FHIT: variants seen among roughly 807,000 people sequenced by gnomAD.
The protein encoded by FHIT is bis(5'-adenosyl)-triphosphatase.
Under a neutral mutation model 17.9 loss-of-function variants are expected in FHIT, and 19 were observed. The ratio of observed to expected loss-of-function variants is 1.06; its 90% CI spans 0.74 to 1.56. The LOEUF (loss-of-function observed/expected upper bound fraction) is 1.56, where lower values mean the gene tolerates loss of function less well. Ranked by LOEUF, FHIT falls within the 40% of genes most tolerant of loss-of-function variation. The pLI, the probability that FHIT is intolerant of heterozygous loss-of-function variation, is 0.00. For synonymous variants in FHIT, 81 were observed against 69.7 expected, an observed-to-expected ratio of 1.16 and a Z score of -0.81; for missense variants, 248 against 189.2, an observed-to-expected ratio of 1.31 and a Z score of -1.82.
intron 2 of FHIT, among the ~76,000 whole-genome samples, chr3:61,179,074 G>C (rs6793331): frequency 2.1e-5 from 3 of 145,122 alleles, no homozygotes; most frequent in African/African-American, 7.8e-5. Flanking sequence ...GCAGCAGTGC[G>C]ATCTTGGCTC....
chr3:61,096,802 G>A (rs2035652445), intron 2 of FHIT, among the ~76,000 whole-genome samples: 1 of 152,122 alleles, frequency 6.6e-6, no homozygotes, highest in Non-Finnish European at 1.5e-5. Context: ...AACTGAAGGG[G>A]TTGGGAAAAG....
intron 8 of FHIT, among the ~76,000 whole-genome samples, chr3:59,754,007 C>G (rs113746928): frequency 0.011 from 1,637 of 151,846 alleles, 33 homozygotes; most frequent in African/African-American, 0.037. Flanking sequence ...TTTGCCAACT[C>G]AGCAAAAAGT....
chr3:61,010,653 A>G (rs557000238), intron 3 of FHIT, among the ~76,000 whole-genome samples: 1 of 152,328 alleles, frequency 6.6e-6, no homozygotes, highest in South Asian at 2.1e-4. Flanking sequence ...TTAGACTACA[A>G]GCTTTCTTTC....
chr3:60,531,445 A>T (rs1453345242), intron 5 of FHIT, among the ~76,000 whole-genome samples: 1 of 151,542 alleles, frequency 6.6e-6, no homozygotes. Context: ...CGCCCGGCTA[A>T]TTTTTTGTAT....
At chr3:60,372,075 C>T (rs189995550) in intron 5 of FHIT, among the ~76,000 whole-genome samples, 5 of 152,158 alleles carry the variant, frequency 3.3e-5, no homozygotes, top group East Asian at 3.9e-4. Flanking sequence ...TGCATTGTGG[C>T]GGTATCTCCA....
intron 8 of FHIT, among the ~76,000 whole-genome samples, chr3:59,842,075 C>T (rs1471937914): frequency 6.6e-6 from 1 of 152,100 alleles, no homozygotes; most frequent in Admixed American, 6.6e-5. Context: ...TCTCCCTCCC[C>T]CCAGCTTCTG....
chr3:60,214,051 G>C (rs970104802), intron 5 of FHIT, among the ~76,000 whole-genome samples: 1 of 152,144 alleles, frequency 6.6e-6, no homozygotes, highest in East Asian at 1.9e-4. Context: ...GAGGTTCAGA[G>C]GGTGGTCGTG....
Position 60,207,640 on chromosome 3 carries a change from G to A in FHIT, c.104-193488C>T, listed in dbSNP as rs182195768. On this transcript the variant is annotated intron_variant, in intron 5 of 9. Transcript: ENST00000492590. ...GATGAGAACAACGTATGTGACTACC[G>A]TGACACTCAATAAAAATGCTATGAT... 2.0e-3 allele frequency among the ~76,000 whole-genome samples: 299 copies of A among 152,148 alleles called. 1 individual carries two copies. The highest frequency in any genetic ancestry group is 6.6e-3 in the African/African-American group (275 of 41,502).
At position 60,295,453 on chromosome 3, in the gene FHIT, A is replaced by T. The variant is rs1708164474; in HGVS notation, c.103+241407T>A. Among the ~76,000 whole-genome samples the T allele has an allele frequency of 2.0e-5, 3 of 152,208 alleles. No homozygotes were observed. The South Asian group carries it at 6.2e-4, about 32-fold the overall frequency. The stretch of plus-strand genomic sequence containing the variant: ...ATGTAGAGATCACATACATGGCGAG[A>T]CAGGAAGCAAGAGAGAGGGTAAAGG... On this transcript the variant is annotated intron_variant, in intron 5 of 9. Transcript: ENST00000492590.
At chr3:61,104,109 A>T (rs2035921115) in intron 2 of FHIT, among the ~76,000 whole-genome samples, 1 of 152,100 alleles carries the variant, frequency 6.6e-6, no homozygotes, top group African/African-American at 2.4e-5. Flanking sequence ...TCCTGTCATC[A>T]TGATGTTAGC....
At chr3:60,987,763 A>G (rs1327430466) in intron 3 of FHIT, among the ~76,000 whole-genome samples, 2 of 152,204 alleles carry the variant, frequency 1.3e-5, no homozygotes, top group African/African-American at 4.8e-5. Flanking sequence ...CTTAGAAACA[A>G]TCAGACAAGG....
At chr3:59,769,338 G>C (rs916117724) in intron 8 of FHIT, among the ~76,000 whole-genome samples, 1 of 152,154 alleles carries the variant, frequency 6.6e-6, no homozygotes, top group Non-Finnish European at 1.5e-5. Flanking sequence ...TGCCCTCTCT[G>C]TGCTGGCCCC....
chr3:60,308,907 T>A (rs116244034), intron 5 of FHIT, among the ~76,000 whole-genome samples: 1 of 152,166 alleles, frequency 6.6e-6, no homozygotes, highest in African/African-American at 2.4e-5. Flanking sequence ...TCTGAAATTA[T>A]ATACTGTTAT....
chr3:59,923,745 G>A (rs751127727), intron 7 of FHIT, among the ~76,000 whole-genome samples: 1 of 151,986 alleles, frequency 6.6e-6, no homozygotes, highest in South Asian at 2.1e-4. Context: ...TACTGCGATC[G>A]GGTTCCGAGG....
At chr3:59,843,981 CTGTT>C (rs1214166534) in intron 8 of FHIT, among the ~76,000 whole-genome samples, 2 of 152,054 alleles carry the variant, frequency 1.3e-5, no homozygotes, top group Non-Finnish European at 2.9e-5. Context: ...CTCATGAGAT[CTGTT>C]TGTTTAAAAG....
chr3:60,158,995 G>A (rs548148980), intron 5 of FHIT, among the ~76,000 whole-genome samples: 2 of 152,222 alleles, frequency 1.3e-5, no homozygotes, highest in South Asian at 4.1e-4. Flanking sequence ...TCTAGCTAGA[G>A]GGCATTAATT....
intron 5 of FHIT, among the ~76,000 whole-genome samples, chr3:60,365,011 A>C (rs75594855): frequency 0.019 from 2,954 of 151,508 alleles, 95 homozygotes; most frequent in African/African-American, 0.067. Context: ...ACATGAAACA[A>C]TTTCATATAT....
At chr3:60,922,352 T>C (rs1707329959) in intron 3 of FHIT, among the ~76,000 whole-genome samples, 2 of 152,136 alleles carry the variant, frequency 1.3e-5, no homozygotes, top group Admixed American at 1.3e-4. Context: ...GCTTTTACCA[T>C]GAAAAAGAAA....
chr3:61,184,366 G>A (rs1392134697), intron 2 of FHIT, among the ~76,000 whole-genome samples: 1 of 152,090 alleles, frequency 6.6e-6, no homozygotes, highest in Non-Finnish European at 1.5e-5. Context: ...ACACAGGCAG[G>A]AAAACTGCAC....
Sources: gnomAD v4.1 joint callset for allele counts (sites outside exome capture counted in the v4.1 genomes callset) on GRCh38, gnomAD v4.1.1 for gene constraint, MANE v1.5 for transcripts, NCBI Gene and HGNC (gene_info 2026-07-23, HGNC 2026-07-21) for gene names.